ADORA2A: variants seen among roughly 807,000 people sequenced by gnomAD.
ADORA2A encodes adenosine A2a receptor, also known as adenosine receptor A2a.
ADORA2A carries 11 observed loss-of-function variants against 18.4 expected under a neutral mutation model. The observed-to-expected ratio is 0.60, with a 90% CI of 0.38 to 0.99. The LOEUF (loss-of-function observed/expected upper bound fraction) is 0.99, where lower values mean the gene tolerates loss of function less well. ADORA2A is among the 50% of genes least tolerant of loss of function. The pLI is 0.01. For missense variants in ADORA2A, 449 were observed against 556.1 expected (o/e 0.81, Z 1.94); for synonymous variants, 218 against 237.3 (o/e 0.92, Z 0.75).
chr22:24,437,921 C>T (rs1239169919), intron 2 of ADORA2A, among the ~76,000 whole-genome samples: 1 of 152,264 alleles, frequency 6.6e-6, no homozygotes, highest in East Asian at 1.9e-4. Flanking sequence ...CCTTCCCTTC[C>T]CCAGCAGCTT....
chr22:24,436,181 T>C (rs1216453133), intron 2 of ADORA2A, among the ~76,000 whole-genome samples: 1 of 152,176 alleles, frequency 6.6e-6, no homozygotes, highest in Non-Finnish European at 1.5e-5. Flanking sequence ...CCTCTGGGCA[T>C]GTGGAGGTGT....
chr22:24,438,601 G>C (rs2146915026), intron 2 of ADORA2A: 1 of 152,358 alleles, frequency 6.6e-6, no homozygotes, highest in East Asian at 1.9e-4. Flanking sequence ...GAATGGAGCT[G>C]AGGAGCTCCT....
Position 24,441,567 on chromosome 22 carries a change from AAGAG to A in ADORA2A, c.*85_*88del. 7.2e-7 allele frequency: 1 copy of A among 1,384,118 alleles called. No individual in the cohort carries two copies. The highest frequency in any genetic ancestry group is 9.4e-7 in the Non-Finnish European group (1 of 1,058,730). The allele number at this position is 1,384,118 out of a possible 1,614,324, so 85.7% of individuals were successfully genotyped here. A position where few individuals can be genotyped will look rare whatever the true frequency, so the allele number is the denominator to read the frequency against. On this transcript the variant is annotated 3_prime_UTR_variant, in exon 3 of 3. Transcript: ENST00000337539. ...TTGGCTTGACCAGTCACGTTGGGAGAAGAGAGAGAGTGCCAGGAGACCCTGAGGG... is the reference window on the plus strand; with the variant it reads ...TTGGCTTGACCAGTCACGTTGGGAGAAGAGAGTGCCAGGAGACCCTGAGGG...
At chr22:24,434,576 G>C (rs545520494) in intron 2 of ADORA2A, among the ~76,000 whole-genome samples, 1 of 152,352 alleles carries the variant, frequency 6.6e-6, no homozygotes, top group African/African-American at 2.4e-5. Flanking sequence ...TGGCCCCTCT[G>C]CCACAGAGCT....
At chr22:24,439,630 T>A (rs1347401033) in intron 2 of ADORA2A, 1 of 152,052 alleles carries the variant, frequency 6.6e-6, no homozygotes. Context: ...AGGGAGACTT[T>A]TTTTTTTTAT....
At chr22:24,434,245 A>G (rs1207596854) in intron 2 of ADORA2A, among the ~76,000 whole-genome samples, 8 of 152,172 alleles carry the variant, frequency 5.3e-5, no homozygotes, top group Non-Finnish European at 1.2e-4. Context: ...CAGTGTGCAC[A>G]TTAGGAAAAT....
chr22:24,440,814 G>A lies in ADORA2A; in HGVS notation c.564G>A (p.Val188=). 1 of 1,614,194 alleles carries A rather than the reference G, an allele frequency of 6.2e-7. No individual in the cohort carries two copies. Among genetic ancestry groups the A allele is most frequent in the Non-Finnish European group, 8.5e-7 (1 of 1,180,044 alleles). Residue 188 remains valine (V), a synonymous_variant, in exon 3 of 3, where the codon GTG becomes GTA. Transcript: ENST00000337539. ...TCAACTTCTTTGCCTGTGTGCTGGT[G>A]CCCCTGCTGCTCATGCTGGGTGTCT... ...VYFNFFACVL[V]PLLLMLGVYL...
chr22:24,427,710 CGGA>C lies in ADORA2A; in HGVS notation c.-305_-303del, dbSNP rs2042934620. 2.0e-5 allele frequency: 3 copies of C among 152,324 alleles called. No individual in the cohort carries two copies. The highest frequency in any genetic ancestry group is 1.3e-4 in the Admixed American group (2 of 15,304). 9.4% of individuals were successfully genotyped at this position (152,324 alleles called of 1,614,324 possible). ...CACCTTGGTGCGGGGTGCGGCCCCT[CGGA>C]GGAGGGCTGTCAGGTGAAGCCTCGT... is the stretch of plus-strand genomic sequence containing the variant. On this transcript the variant is annotated 5_prime_UTR_variant, in exon 1 of 3. Coordinates refer to ENST00000337539, the MANE Select transcript of ADORA2A (RefSeq NM_000675.6).
In ADORA2A at chr22:24,441,461, T is replaced by C. The variant is rs771684047; in HGVS notation, c.1211T>C (p.Leu404Pro). The C allele has an allele frequency of 6.6e-6, 10 of 1,517,912 alleles. No homozygotes were observed. Among genetic ancestry groups the C allele is most frequent in the Non-Finnish European group, 8.8e-7 (1 of 1,135,074 alleles). 94.0% of individuals were successfully genotyped at this position (1,517,912 alleles called of 1,614,324 possible). The change falls in exon 3 of 3, where the codon CTG becomes CCG. Residue 404 changes from leucine to proline, a missense_variant. Leu to Pro is a moderately conservative substitution (Grantham distance 98, BLOSUM62 -3). Coordinates refer to ENST00000337539, the MANE Select transcript of ADORA2A (RefSeq NM_000675.6). ...GAGCCCCCTGGCCTAGATGACCCCC[T>C]GGCCCAGGATGGAGCAGGAGTGTCC... ...CPEPPGLDDP[L>P]AQDGAGVS
chr22:24,440,347 G>A (rs1025920635), intron 2 of ADORA2A, among the ~76,000 whole-genome samples: 1 of 152,138 alleles, frequency 6.6e-6, no homozygotes, highest in African/African-American at 2.4e-5. Flanking sequence ...ATTTGTACAT[G>A]GGTTTCCATT....
At chr22:24,438,916 G>T (rs1414920853) in intron 2 of ADORA2A, among the ~76,000 whole-genome samples, 3 of 151,978 alleles carry the variant, frequency 2.0e-5, no homozygotes, top group Non-Finnish European at 2.9e-5. Context: ...AATAGCAGGC[G>T]TACGTTTTGC....
chr22:24,437,090 G>T (rs1191573165), intron 2 of ADORA2A, among the ~76,000 whole-genome samples: 3 of 152,180 alleles, frequency 2.0e-5, no homozygotes, highest in African/African-American at 7.2e-5. Context: ...TCCTCAGGTT[G>T]GGACATGTGC....
chr22:24,433,692 G>A lies in ADORA2A; in HGVS notation c.288G>A (p.Leu96=). 6.2e-7 allele frequency: 1 copy of A among 1,610,996 alleles called. No homozygotes were observed. Among genetic ancestry groups the A allele is most frequent in the South Asian group, 1.1e-5 (1 of 91,090 alleles). The change falls in exon 2 of 3, where the codon CTG becomes CTA. Residue 96 remains leucine, a synonymous_variant. Coordinates refer to ENST00000337539, the MANE Select transcript of ADORA2A (RefSeq NM_000675.6). The part of the protein sequence containing the change: ...VLTQSSIFSL[L]AIAIDRYIAI... The stretch of plus-strand genomic sequence containing the variant: ...CGCAGAGCTCCATCTTCAGTCTCCT[G>A]GCCATCGCCATTGACCGCTACATTG...
At chr22:24,437,201 C>A (rs142733297) in intron 2 of ADORA2A, among the ~76,000 whole-genome samples, 222 of 152,300 alleles carry the variant, frequency 1.5e-3, no homozygotes, top group African/African-American at 5.1e-3. Context: ...GCCTGCAAGC[C>A]GGGGGACACA....
At position 24,440,975 on chromosome 22, in the gene ADORA2A, T is replaced by C. The variant is rs760407585; in HGVS notation, c.725T>C (p.Phe242Ser). ...AKSLAIIVGL[F>S]ALCWLPLHII... ...TCACTGGCCATCATTGTGGGGCTCT[T>C]TGCCCTCTGCTGGCTGCCCCTACAC... The change falls in exon 3 of 3, where the codon TTT becomes TCT. Residue 242 changes from phenylalanine (F) to serine (S), a missense_variant. By Grantham distance (155) the Phe-to-Ser change is radical. Transcript: ENST00000337539. The C allele has an allele frequency of 6.2e-7, 1 of 1,614,118 alleles. No individual in the cohort carries two copies. Among genetic ancestry groups the C allele is most frequent in the Non-Finnish European group, 8.5e-7 (1 of 1,179,998 alleles).
chr22:24,426,730 G>A (rs1030602295), upstream of ADORA2A, among the ~76,000 whole-genome samples: 2 of 152,196 alleles, frequency 1.3e-5, no homozygotes, highest in South Asian at 2.1e-4. Context: ...ATCAGGTGGA[G>A]AGAGGAGCAG....
intron 2 of ADORA2A, 82 bp from the exon 3 acceptor site, chr22:24,440,501 G>T: frequency 7.4e-7 from 1 of 1,358,936 alleles, no homozygotes; most frequent in Non-Finnish European, 1.0e-6. Flanking sequence ...ATGTGGAAAC[G>T]GGTGCTGCTC....
At position 24,433,287 on chromosome 22, in the gene ADORA2A, G is replaced by A; in HGVS notation, c.-118G>A. The A allele has an allele frequency of 2.0e-6, 2 of 975,886 alleles. No homozygotes were observed. Among genetic ancestry groups the A allele is most frequent in the East Asian group, 2.6e-5 (1 of 38,148 alleles). 60.5% of individuals were successfully genotyped at this position (975,886 alleles called of 1,614,324 possible). On this transcript the variant is annotated 5_prime_UTR_variant, in exon 2 of 3. Transcript: ENST00000337539. Reference sequence around the variant, plus strand: ...TGGCTCCTGTGAGGAAGGGGCTCAGGGGTCTGGGCCCCTCCGCCTGGGCCG... The same window carrying A: ...TGGCTCCTGTGAGGAAGGGGCTCAGAGGTCTGGGCCCCTCCGCCTGGGCCG...
chr22:24,435,449 CA>C (rs1216029721), intron 2 of ADORA2A, among the ~76,000 whole-genome samples: 1 of 152,238 alleles, frequency 6.6e-6, no homozygotes, highest in Non-Finnish European at 1.5e-5. Flanking sequence ...AGGGTATGAT[CA>C]GGGCTGCCGT....
Sources: gnomAD v4.1 joint callset for allele counts (sites outside exome capture counted in the v4.1 genomes callset) on GRCh38, gnomAD v4.1.1 for gene constraint, MANE v1.5 for transcripts, NCBI Gene and HGNC (gene_info 2026-07-23, HGNC 2026-07-21) for gene names.